Variants in MROH2B observed in about 807,000 individuals in gnomAD.
MROH2B encodes maestro heat like repeat family member 2B, also known as maestro heat-like repeat-containing protein family member 2B.
A neutral mutation model predicts 208.6 loss-of-function variants in MROH2B; 177 were observed. The ratio of observed to expected loss-of-function variants is 0.85; its 90% CI spans 0.75 to 0.96. The LOEUF (loss-of-function observed/expected upper bound fraction) is 0.96. Among genes scored for constraint, MROH2B ranks in the 40% least tolerant of loss-of-function variants. The pLI is 0.00. For missense variants in MROH2B, 2,002 were observed against 1,878.7 expected, an observed-to-expected ratio of 1.07 and a Z score of -1.21; for synonymous variants, 728 against 659.0, an observed-to-expected ratio of 1.10 and a Z score of -1.60.
chr5:41,018,833 T>C, intron 25 of MROH2B, 47 bp from the exon 26 acceptor site: 1 of 1,613,130 alleles, frequency 6.2e-7, no homozygotes, highest in South Asian at 1.1e-5. Context: ...GGTGAGAGAG[T>C]AAGGCCCCAC....
Position 41,065,739 on chromosome 5 carries a change from CA to C in MROH2B, c.202-250del, listed in dbSNP as rs368758550. Among the ~76,000 whole-genome samples the C allele has an allele frequency of 9.6e-3, 1,464 of 152,164 alleles. 10 individuals are homozygous for C. Among genetic ancestry groups the C allele is most frequent in the Non-Finnish European group, 0.016 (1,122 of 68,004 alleles). On this transcript the variant is annotated intron_variant, in intron 3 of 41. Coordinates refer to ENST00000399564, the MANE Select transcript of MROH2B (RefSeq NM_173489.5). ...GTCTGCAAAAACGTCTACTGACCCC[CA>C]AATCTGCAAGAACACTATTAAAACC...
rs772222723 is a variant in MROH2B at position 41,004,387 on chromosome 5, A to G, written c.4153T>C (p.Phe1385Leu). 3 of 1,613,936 alleles carry G rather than the reference A, an allele frequency of 1.9e-6. No homozygotes were observed. The highest frequency in any genetic ancestry group is 2.5e-6 in the Non-Finnish European group (3 of 1,179,860). ...LLTDRDVSFY[F>L]KEIVLQTRTF... ...CTTGTTTGCAGCACTATTTCCTTGA[A>G]GTAGAAGCTCACGTCTCGGTCTGTC... Residue 1385 changes from phenylalanine to leucine, a missense_variant, in exon 37 of 42, where the codon TTC becomes CTC. Transcript: ENST00000399564.
At chr5:41,030,641 AT>A (rs1156748703) in intron 24 of MROH2B, among the ~76,000 whole-genome samples, 2 of 152,114 alleles carry the variant, frequency 1.3e-5, no homozygotes, top group Non-Finnish European at 1.5e-5. Flanking sequence ...TTCATATGGA[AT>A]AAAAAAAGAG....
At chr5:41,014,786 A>G (rs1741884311) in intron 29 of MROH2B, among the ~76,000 whole-genome samples, 1 of 152,126 alleles carries the variant, frequency 6.6e-6, no homozygotes, top group Non-Finnish European at 1.5e-5. Flanking sequence ...TCTTCTCCAG[A>G]GGATCACCTC....
chr5:41,068,641 T>A (rs1401676660), intron 2 of MROH2B, among the ~76,000 whole-genome samples: 1 of 152,172 alleles, frequency 6.6e-6, no homozygotes, highest in Admixed American at 6.6e-5. Context: ...AACTAGGAAG[T>A]GCTTGTTAAA....
At chr5:41,030,290 AT>A (rs1415421089) in intron 24 of MROH2B, among the ~76,000 whole-genome samples, 1 of 152,062 alleles carries the variant, frequency 6.6e-6, no homozygotes, top group Non-Finnish European at 1.5e-5. Flanking sequence ...TAGAATGGGT[AT>A]AAAAAACAAA....
intron 36 of MROH2B, 79 bp from the exon 37 acceptor site, chr5:41,004,607 G>A (rs764938466): frequency 6.6e-7 from 1 of 1,520,112 alleles, no homozygotes; most frequent in African/African-American, 1.4e-5. Flanking sequence ...TCAGACAAGA[G>A]GACTGAAATT....
At chr5:41,007,964 C>T (rs765349655) in intron 33 of MROH2B, among the ~76,000 whole-genome samples, 1 of 152,166 alleles carries the variant, frequency 6.6e-6, no homozygotes, top group Non-Finnish European at 1.5e-5. Flanking sequence ...TTTGCACCAA[C>T]CTAATACGTG....
chr5:41,008,635 TCC>T lies in MROH2B; in HGVS notation c.3577_3578del (p.Gly1193ArgfsTer33). The stretch of plus-strand genomic sequence containing the variant: ...AGGGGTCTGGGATCTGCTGCTGTTC[TCC>T]CTGCTGCATCACATGCCGCCTATGG... ...WSHRRHVMQQ[G>X]EQQQIPDPCR... On this transcript the variant is annotated frameshift_variant, in exon 33 of 42. Coordinates refer to ENST00000399564, the MANE Select transcript of MROH2B (RefSeq NM_173489.5). LOFTEE classifies it high-confidence loss of function. 6.2e-7 allele frequency: 1 copy of T among 1,613,896 alleles called. No homozygotes were observed. The highest frequency in any genetic ancestry group is 8.5e-7 in the Non-Finnish European group (1 of 1,179,828).
intron 24 of MROH2B, among the ~76,000 whole-genome samples, chr5:41,021,825 G>A (rs1170134950): frequency 2.0e-5 from 3 of 152,084 alleles, no homozygotes; most frequent in Non-Finnish European, 4.4e-5. Context: ...GCAGTAAGCC[G>A]AGATTGTGCC....
intron 24 of MROH2B, among the ~76,000 whole-genome samples, chr5:41,022,639 C>T (rs1024185174): frequency 1.3e-5 from 2 of 152,224 alleles, no homozygotes; most frequent in Admixed American, 6.5e-5. Context: ...CATAGCCGAA[C>T]AAAAGGCAGC....
chr5:41,047,080 C>T (rs1422639957), intron 17 of MROH2B, among the ~76,000 whole-genome samples: 2 of 140,208 alleles, frequency 1.4e-5, no homozygotes, highest in South Asian at 2.3e-4. Flanking sequence ...TATAGAAAAC[C>T]TTCTATATTA....
chr5:41,046,284 G>A (rs908747644), intron 17 of MROH2B, among the ~76,000 whole-genome samples: 1 of 150,960 alleles, frequency 6.6e-6, no homozygotes, highest in Non-Finnish European at 1.5e-5. Context: ...AGAATTAAAT[G>A]TCTTAAAGAA....
chr5:41,018,982 A>G lies in MROH2B; in HGVS notation c.2478T>C (p.Leu826=). The change falls in exon 25 of 42, where the codon CTT becomes CTC. Residue 826 remains leucine (L), a synonymous_variant. Transcript: ENST00000399564. ...LKPQLSLQDH[L]NILEENIRRL... Reference sequence around the variant, plus strand: ...TCCGAATATTCTCCTCAAGAATGTTAAGGTGGTCTTGTAGTGAGAGCTGAG... The same window carrying G: ...TCCGAATATTCTCCTCAAGAATGTTGAGGTGGTCTTGTAGTGAGAGCTGAG... The G allele has an allele frequency of 6.2e-7, 1 of 1,613,914 alleles. No homozygotes were observed. Among genetic ancestry groups the G allele is most frequent in the Non-Finnish European group, 8.5e-7 (1 of 1,179,868 alleles).
chr5:41,035,135 A>G (rs1034559321), intron 21 of MROH2B, among the ~76,000 whole-genome samples: 1 of 152,152 alleles, frequency 6.6e-6, no homozygotes, highest in Non-Finnish European at 1.5e-5. Context: ...AAAAGCCTGC[A>G]TAGCCAAAGC....
intron 1 of MROH2B, among the ~76,000 whole-genome samples, chr5:41,070,296 A>G (rs565009609): frequency 2.0e-5 from 3 of 152,260 alleles, no homozygotes; most frequent in Admixed American, 6.5e-5. Flanking sequence ...TTTGACTTGC[A>G]TTTTCTAGGA....
At chr5:41,002,869 G>A (rs560610573) in intron 37 of MROH2B, among the ~76,000 whole-genome samples, 3 of 152,186 alleles carry the variant, frequency 2.0e-5, no homozygotes, top group South Asian at 2.1e-4. Flanking sequence ...GGTTCTGAAG[G>A]GGTGACTTCA....
At chr5:41,009,021 A>G (rs1259120677) in intron 32 of MROH2B, among the ~76,000 whole-genome samples, 2 of 152,210 alleles carry the variant, frequency 1.3e-5, no homozygotes, top group African/African-American at 4.8e-5. Flanking sequence ...GTTTTTCAAC[A>G]AAAAGGGTCC....
intron 37 of MROH2B, among the ~76,000 whole-genome samples, chr5:41,002,125 T>C (rs1259365592): frequency 3.9e-5 from 6 of 152,154 alleles, no homozygotes; most frequent in Non-Finnish European, 5.9e-5. Flanking sequence ...AAGAGGAAGC[T>C]AACCAAAAAC....
Sources: gnomAD v4.1 joint callset for allele counts (sites outside exome capture counted in the v4.1 genomes callset) on GRCh38, gnomAD v4.1.1 for gene constraint, MANE v1.5 for transcripts, NCBI Gene and HGNC (gene_info 2026-07-23, HGNC 2026-07-21) for gene names.